Variants in NT5DC1 observed in about 807,000 individuals in gnomAD.
The protein encoded by NT5DC1 is 5'-nucleotidase domain-containing protein 1.
NT5DC1 carries 42 observed loss-of-function variants against 59.4 expected under a neutral mutation model. The observed-to-expected ratio is 0.71, with a 90% CI of 0.55 to 0.92. The LOEUF (loss-of-function observed/expected upper bound fraction) is 0.92. NT5DC1 is among the 40% of genes least tolerant of loss of function. NT5DC1 has a pLI of 0.00. For missense variants in NT5DC1, 501 were observed against 537.1 expected, an observed-to-expected ratio of 0.93 and a Z score of 0.66; for synonymous variants, 172 against 188.1, an observed-to-expected ratio of 0.91 and a Z score of 0.70.
chr6:116,202,338 A>G (rs758785419), intron 6 of NT5DC1, among the ~76,000 whole-genome samples: 7 of 151,934 alleles, frequency 4.6e-5, no homozygotes, highest in Non-Finnish European at 7.4e-5. Flanking sequence ...TTCCTTCTCA[A>G]TTTTGGCCCA....
At position 116,106,244 on chromosome 6, in the gene NT5DC1, C is replaced by T. The variant is rs1037545517; in HGVS notation, c.94C>T (p.Leu32Phe). Reference sequence around the variant, plus strand: ...CTGTTTTTCTTCCCCTTATTTGCAGCTCATTTATAATAGCTTTGCCCAGTT... The same window carrying T: ...CTGTTTTTCTTCCCCTTATTTGCAGTTCATTTATAATAGCTTTGCCCAGTT... ...CRYNLPESAP[L>F]IYNSFAQFLV... The change falls in exon 2 of 12, where the codon CTC (leucine) becomes TTC (phenylalanine). Residue 32 changes from leucine to phenylalanine, a missense_variant and splice_region_variant. Physicochemically the swap from Leu to Phe is conservative, Grantham distance 22 (BLOSUM62 0). Coordinates refer to ENST00000319550, the MANE Select transcript of NT5DC1 (RefSeq NM_152729.3). 1 of 1,476,496 alleles carries T rather than the reference C, an allele frequency of 6.8e-7. No homozygotes were observed. Among genetic ancestry groups the T allele is most frequent in the Non-Finnish European group, 9.5e-7 (1 of 1,056,062 alleles). The allele number at this position is 1,476,496 out of a possible 1,614,324, so 91.5% of individuals were successfully genotyped here.
At chr6:116,217,855 ACT>A (rs1363101604) in intron 6 of NT5DC1, among the ~76,000 whole-genome samples, 9 of 152,090 alleles carry the variant, frequency 5.9e-5, no homozygotes, top group Non-Finnish European at 1.0e-4. Flanking sequence ...GTTTAACATA[ACT>A]CTTCATTTGA....
At chr6:116,221,524 G>T (rs1781805345) in intron 7 of NT5DC1, among the ~76,000 whole-genome samples, 1 of 152,100 alleles carries the variant, frequency 6.6e-6, no homozygotes, top group Admixed American at 6.5e-5. Flanking sequence ...CATGAATTTG[G>T]TTTCTCATCT....
At chr6:116,111,767 AGC>A (rs1778879796) in intron 4 of NT5DC1, among the ~76,000 whole-genome samples, 1 of 152,200 alleles carries the variant, frequency 6.6e-6, no homozygotes, top group Non-Finnish European at 1.5e-5. Context: ...TTTTATAGCG[AGC>A]TGAAAATGTC....
chr6:116,169,280 C>T (rs1247713416), intron 6 of NT5DC1, among the ~76,000 whole-genome samples: 1 of 152,164 alleles, frequency 6.6e-6, no homozygotes, highest in African/African-American at 2.4e-5. Flanking sequence ...TTCTAGTTAT[C>T]CTCAGTTAGA....
At chr6:116,149,076 G>A (rs748981742) in intron 6 of NT5DC1, among the ~76,000 whole-genome samples, 15 of 152,094 alleles carry the variant, frequency 9.9e-5, no homozygotes, top group Non-Finnish European at 1.9e-4. Flanking sequence ...TTTACAATAA[G>A]ACAGGTGCAT....
chr6:116,215,262 A>G (rs573960817), intron 6 of NT5DC1, among the ~76,000 whole-genome samples: 1 of 152,294 alleles, frequency 6.6e-6, no homozygotes, highest in African/African-American at 2.4e-5. Context: ...TTTTCCAGAA[A>G]CATGATATCA....
chr6:116,160,986 A>G (rs1582843802), intron 6 of NT5DC1, among the ~76,000 whole-genome samples: 1 of 152,108 alleles, frequency 6.6e-6, no homozygotes, highest in East Asian at 1.9e-4. Flanking sequence ...TGTGGCACAT[A>G]TACACCATGG....
At chr6:116,235,114 A>T (rs530273002) in intron 8 of NT5DC1, among the ~76,000 whole-genome samples, 5 of 146,194 alleles carry the variant, frequency 3.4e-5, no homozygotes, top group African/African-American at 5.0e-5. Flanking sequence ...GGATTTTTTT[A>T]AATTTTTCAT....
At chr6:116,119,146 A>C (rs530889604) in intron 6 of NT5DC1, 1 of 152,766 alleles carries the variant, frequency 6.5e-6, no homozygotes, top group South Asian at 2.1e-4. Context: ...ACAGTGCATA[A>C]ATAAATAATA....
chr6:116,168,537 T>A (rs1223521018), intron 6 of NT5DC1, among the ~76,000 whole-genome samples: 1 of 152,174 alleles, frequency 6.6e-6, no homozygotes, highest in Non-Finnish European at 1.5e-5. Context: ...CTTTATACCA[T>A]AGGAGCTTCT....
chr6:116,203,025 T>C (rs1423453307), intron 6 of NT5DC1, among the ~76,000 whole-genome samples: 1 of 152,014 alleles, frequency 6.6e-6, no homozygotes, highest in Admixed American at 6.6e-5. Context: ...AAATTTAATT[T>C]AATACACAAA....
chr6:116,105,905 T>C (rs1778757575), intron 1 of NT5DC1, among the ~76,000 whole-genome samples: 1 of 152,202 alleles, frequency 6.6e-6, no homozygotes, highest in African/African-American at 2.4e-5. Flanking sequence ...GGTCATCATC[T>C]TTATCATCTT....
chr6:116,199,688 G>A (rs560392856), intron 6 of NT5DC1, among the ~76,000 whole-genome samples: 1 of 152,114 alleles, frequency 6.6e-6, no homozygotes, highest in East Asian at 1.9e-4. Flanking sequence ...TTACAATGAT[G>A]GAGGTGTGTA....
intron 9 of NT5DC1, chr6:116,237,699 T>G: frequency 3.1e-6 from 1 of 322,012 alleles, no homozygotes. Context: ...TAGGGAACTT[T>G]CCAGATTCAA....
chr6:116,127,248 T>G lies in NT5DC1; in HGVS notation c.529+9303T>G, dbSNP rs1288677396. ...AGTGAATGAACTAAAGATTTGTCCT[T>G]TTTCTTTTCCCTTTCTCTCCCCTTC... On this transcript the variant is annotated intron_variant, in intron 6 of 11. Coordinates refer to ENST00000319550, the MANE Select transcript of NT5DC1 (RefSeq NM_152729.3). 3.3e-5 allele frequency among the ~76,000 whole-genome samples: 5 copies of G among 152,250 alleles called. No individual in the cohort carries two copies. In the East Asian group the frequency reaches 5.8e-4, roughly 18 times the overall value.
chr6:116,239,154 C>T (rs1310687095), intron 11 of NT5DC1, 31 bp downstream of exon 11: 3 of 1,497,954 alleles, frequency 2.0e-6, no homozygotes, highest in South Asian at 2.3e-5. Context: ...AAAGCTTCAC[C>T]TGTTACTAGA....
intron 6 of NT5DC1, among the ~76,000 whole-genome samples, chr6:116,215,130 A>G (rs1009309771): frequency 2.0e-5 from 3 of 152,170 alleles, no homozygotes; most frequent in Non-Finnish European, 4.4e-5. Context: ...CATTGTACTG[A>G]TATTAATGTA....
At chr6:116,104,520 G>A (rs1269136083) in intron 1 of NT5DC1, among the ~76,000 whole-genome samples, 2 of 152,208 alleles carry the variant, frequency 1.3e-5, no homozygotes, top group Non-Finnish European at 2.9e-5. Context: ...CAGGAATTGT[G>A]CAAGCAGGTA....
Sources: allele counts gnomAD v4.1 joint callset (sites outside exome capture counted in the v4.1 genomes callset), GRCh38; gene constraint gnomAD v4.1.1; transcripts MANE v1.5; gene names NCBI Gene and HGNC (gene_info 2026-07-23, HGNC 2026-07-21).